The following ADAMTS9 variants were observed in gnomAD, a reference collection of about 807,000 sequenced individuals.
ADAMTS9 encodes A disintegrin and metalloproteinase with thrombospondin motifs 9.
Under a neutral mutation model 257.1 loss-of-function variants are expected in ADAMTS9, and 107 were observed. The ratio of observed to expected loss-of-function variants is 0.42; its 90% CI spans 0.36 to 0.49. The LOEUF is 0.49. Ranked by LOEUF, ADAMTS9 falls within the 20% of genes least tolerant of loss-of-function variation. The pLI, the probability that ADAMTS9 is intolerant of heterozygous loss-of-function variation, is 0.03. For missense variants in ADAMTS9, 2,353 were observed against 2,469.1 expected (o/e 0.95, Z 1.00); for synonymous variants, 982 against 880.9 (o/e 1.11, Z -2.03).
chr3:64,570,621 G>A (rs931617543), intron 28 of ADAMTS9, among the ~76,000 whole-genome samples: 5 of 145,752 alleles, frequency 3.4e-5, no homozygotes, highest in African/African-American at 5.2e-5. Context: ...GTGTGAACCC[G>A]GGAGGCAGAG....
At chr3:64,650,890 C>G in intron 9 of ADAMTS9, 127 bp downstream of exon 9, 11 of 589,566 alleles carry the variant, frequency 1.9e-5, no homozygotes, top group Non-Finnish European at 2.7e-5. Context: ...TTTTTGCCTT[C>G]TCCAAGGAAT....
chr3:64,606,913 A>G (rs780521068), intron 23 of ADAMTS9, 47 bp downstream of exon 23: 1 of 1,609,386 alleles, frequency 6.2e-7, no homozygotes, highest in East Asian at 2.2e-5. Flanking sequence ...GCAGTTTGGT[A>G]CCTTGGTCCC....
intron 14 of ADAMTS9, among the ~76,000 whole-genome samples, chr3:64,632,338 C>G (rs1325133292): frequency 3.9e-5 from 6 of 152,146 alleles, no homozygotes; most frequent in Non-Finnish European, 8.8e-5. Flanking sequence ...AGCTCATGCC[C>G]CATCTTAAGG....
chr3:64,687,938 T>G lies in ADAMTS9; in HGVS notation c.-281A>C. ...GGGGCTCGGCTGCTTGGCCGCATAA[T>G]GCCCAGCGAGCGGGCAGGAGAAGGC... On this transcript the variant is annotated 5_prime_UTR_variant, in exon 1 of 40. Coordinates refer to ENST00000498707, the MANE Select transcript of ADAMTS9 (RefSeq NM_182920.2). This position sits in a 1 kb window ranked among gnomAD's most constrained non-coding sequence, Gnocchi z 4.4. 1.3e-5 allele frequency: 3 copies of G among 231,830 alleles called. No homozygotes were observed. The highest frequency in any genetic ancestry group is 9.0e-5 in the East Asian group (1 of 11,134). 14.4% of individuals were successfully genotyped at this position (231,830 alleles called of 1,614,324 possible).
At chr3:64,535,072 G>A (rs2083032558) in intron 37 of ADAMTS9, among the ~76,000 whole-genome samples, 1 of 152,118 alleles carries the variant, frequency 6.6e-6, no homozygotes, top group Non-Finnish European at 1.5e-5. Context: ...GCAGACAGTA[G>A]GTAATATTTA....
In ADAMTS9 at chr3:64,642,004, T is replaced by A. The variant is rs767134441; in HGVS notation, c.1711-11A>T. On this transcript the variant is annotated splice_polypyrimidine_tract_variant and intron_variant, in intron 11 of 39. Transcript: ENST00000498707. ...TCCATACTTGCAGTGCTGTATTTAA[T>A]AAGGGGAATAGTGAGGGAGACTTGG... 1.2e-6 allele frequency: 2 copies of A among 1,613,994 alleles called. No individual in the cohort carries two copies. The highest frequency in any genetic ancestry group is 8.5e-7 in the Non-Finnish European group (1 of 1,179,898).
In ADAMTS9 at chr3:64,601,990, G is replaced by C; in HGVS notation, c.3971C>G (p.Thr1324Ser). 1 of 1,613,834 alleles carries C rather than the reference G, an allele frequency of 6.2e-7. No homozygotes were observed. The highest frequency in any genetic ancestry group is 8.5e-7 in the Non-Finnish European group (1 of 1,179,856). The part of the protein sequence containing the change: ...YRPRSASPSR[T>S]HVLGGNQWRT... ...CCACTGGTTTCCACCGAGCACATGG[G>C]TGCGGCTGGGGCTGGCGCTCCGGGG... Residue 1324 changes from threonine (T) to serine (S), a missense_variant, in exon 26 of 40, where the codon ACC becomes AGC. Around this residue, in one of 3 missense-constraint regions of ADAMTS9, gnomAD observed 1,402 missense variants for 1,441.4 expected, o/e 0.97. Coordinates refer to ENST00000498707, the MANE Select transcript of ADAMTS9 (RefSeq NM_182920.2).
At chr3:64,532,484 AC>A (rs1326561952) in intron 38 of ADAMTS9, among the ~76,000 whole-genome samples, 2 of 152,238 alleles carry the variant, frequency 1.3e-5, no homozygotes, top group Non-Finnish European at 2.9e-5. Flanking sequence ...ATCAAGTGGA[AC>A]CGTCGTAAGT....
chr3:64,615,523 G>A (rs2106844115), intron 20 of ADAMTS9, 38 bp from the exon 21 acceptor site: 4 of 1,569,190 alleles, frequency 2.5e-6, no homozygotes, highest in Non-Finnish European at 3.4e-6. Flanking sequence ...CTGTTGCTAA[G>A]TTTCTTATAA....
At chr3:64,570,691 GTC>G (rs1244641429) in intron 28 of ADAMTS9, among the ~76,000 whole-genome samples, 8,665 of 80,782 alleles carry the variant, frequency 0.11, 472 homozygotes, top group Admixed American at 0.23. Context: ...GCAAGACTCC[GTC>G]TCAAAAAAAA....
At chr3:64,551,195 T>C in intron 30 of ADAMTS9, 133 bp from the exon 31 acceptor site, 1 of 1,097,798 alleles carries the variant, frequency 9.1e-7, no homozygotes, top group Non-Finnish European at 1.3e-6. Flanking sequence ...AGAGAACTTC[T>C]CGTTTTTTTG....
chr3:64,542,452 A>G (rs1227527926), intron 32 of ADAMTS9, among the ~76,000 whole-genome samples: 3 of 115,522 alleles, frequency 2.6e-5, no homozygotes, highest in African/African-American at 3.5e-5. Context: ...TTTGAGACAG[A>G]GTTTTGCTCT....
chr3:64,548,093 A>G (rs1486171252), intron 31 of ADAMTS9, among the ~76,000 whole-genome samples: 2 of 152,098 alleles, frequency 1.3e-5, no homozygotes, highest in African/African-American at 4.8e-5. Context: ...GGGGTGAGGG[A>G]CCACAGCTTT....
rs1272399347 is a variant in ADAMTS9, at chr3:64,604,011, T to C, written c.3658A>G (p.Ser1220Gly). The change falls in exon 25 of 40, where the codon AGT becomes GGT. Residue 1220 changes from serine (S) to glycine (G), a missense_variant. Coordinates refer to ENST00000498707, the MANE Select transcript of ADAMTS9 (RefSeq NM_182920.2). ...GGTCTAGGCAGGGTAGCACAGGCACTCTCGTCAGCCACAGAGCCATTCTCA... is the reference window on the plus strand; with the variant it reads ...GGTCTAGGCAGGGTAGCACAGGCACCCTCGTCAGCCACAGAGCCATTCTCA... Reference protein sequence around the residue: ...RDENGSVADESACATLPRPVA... With the variant: ...RDENGSVADEGACATLPRPVA... 3.7e-6 allele frequency: 6 copies of C among 1,614,012 alleles called. No homozygotes were observed. The highest frequency in any genetic ancestry group is 5.1e-6 in the Non-Finnish European group (6 of 1,179,984).
chr3:64,542,568 C>T (rs1024265156), intron 32 of ADAMTS9, among the ~76,000 whole-genome samples: 7 of 151,958 alleles, frequency 4.6e-5, no homozygotes, highest in Non-Finnish European at 5.9e-5. Context: ...TCTGGGACTA[C>T]AGGCACGCAC....
At chr3:64,658,890 A>C (rs1287821913) in intron 3 of ADAMTS9, 99 bp from the exon 4 acceptor site, 3 of 1,303,480 alleles carry the variant, frequency 2.3e-6, no homozygotes, top group Non-Finnish European at 3.2e-6. Flanking sequence ...TCTGTGGTCA[A>C]ACTACATACA....
intron 26 of ADAMTS9, among the ~76,000 whole-genome samples, chr3:64,598,769 C>T (rs2084407846): frequency 6.6e-6 from 1 of 152,072 alleles, no homozygotes; most frequent in African/African-American, 2.4e-5. Flanking sequence ...ATATCTTGGT[C>T]CTCGAGTTTT....
chr3:64,679,088 A>G (rs1202920988), intron 3 of ADAMTS9, among the ~76,000 whole-genome samples: 4 of 152,118 alleles, frequency 2.6e-5, no homozygotes, highest in Non-Finnish European at 5.9e-5. Context: ...ATTTTTTTTA[A>G]CTAACGCATC....
At chr3:64,597,099 T>C in intron 26 of ADAMTS9, 108 bp from the exon 27 acceptor site, 2 of 1,444,500 alleles carry the variant, frequency 1.4e-6, no homozygotes, top group Non-Finnish European at 1.9e-6. Flanking sequence ...CATTCTCAAG[T>C]CATCCACGAA....
Sources: allele counts gnomAD v4.1 joint callset (sites outside exome capture counted in the v4.1 genomes callset), GRCh38; gene constraint gnomAD v4.1.1; regional missense constraint gnomAD v4.1.1; non-coding constraint Gnocchi (gnomAD v3.1); transcripts MANE v1.5; gene names NCBI Gene and HGNC (gene_info 2026-07-23, HGNC 2026-07-21).